Variants in CFAP47 observed in about 807,000 individuals in gnomAD.
CFAP47 encodes the protein cilia and flagella associated protein 47, also known as cilia- and flagella-associated protein 47.
A neutral mutation model predicts 148.1 loss-of-function variants in CFAP47; 29 were observed. The ratio of observed to expected loss-of-function variants is 0.20; its 90% CI spans 0.15 to 0.27. CFAP47 has a LOEUF of 0.27. CFAP47 is among the 10% of genes least tolerant of loss of function. The probability of loss-of-function intolerance (pLI) is 1.00; values close to 1 mark genes in which losing one functional copy is unlikely to be tolerated. For missense variants in CFAP47, 1,872 were observed against 1,697.5 expected (o/e 1.10, Z -1.81); for synonymous variants, 664 against 577.3 (o/e 1.15, Z -2.15).
intron 45 of CFAP47, among the ~76,000 whole-genome samples, chrX:36,205,839 TTCCAGTA>T (rs1414197901): frequency 1.2e-4 from 13 of 112,345 alleles, no homozygotes; most frequent in African/African-American, 4.2e-4. Context: ...TGTTCCACAA[TTCCAGTA>T]TCATGGATTC....
rs1941714287 is a variant in CFAP47 at position 36,348,204 on chromosome X, C to T, written c.8519C>T (p.Thr2840Ile). Residue 2840 changes from threonine (T) to isoleucine (I), a missense_variant, in exon 58 of 64, where the codon ACA becomes ATA. Coordinates refer to ENST00000378653, the MANE Select transcript of CFAP47 (RefSeq NM_001304548.2). ...FIPQIMKLHK[T>I]MVIIEMTKAN... ...CCTCAAATTATGAAATTACACAAAACAATGGTTATTATTGAGATGACGAAA... is the reference window on the plus strand; with the variant it reads ...CCTCAAATTATGAAATTACACAAAATAATGGTTATTATTGAGATGACGAAA... 1 of 1,056,145 alleles carries T rather than the reference C, an allele frequency of 9.5e-7. No individual in the cohort carries two copies. Among genetic ancestry groups the T allele is most frequent in the Admixed American group, 4.2e-5 (1 of 23,818 alleles). 87.0% of individuals were successfully genotyped at this position (1,056,145 alleles called of 1,213,427 possible). A position where few individuals can be genotyped will look rare whatever the true frequency, so the allele number is the denominator to read the frequency against.
At chrX:36,008,393 TCTTG>T (rs1164138260) in intron 21 of CFAP47, among the ~76,000 whole-genome samples, 2 of 111,320 alleles carry the variant, frequency 1.8e-5, no homozygotes, top group African/African-American at 3.3e-5. Context: ...TTCCTATGAA[TCTTG>T]CTGTGGGTCT....
chrX:36,372,036 G>GTATCTA (rs1941975711), intron 62 of CFAP47, among the ~76,000 whole-genome samples: 2 of 103,497 alleles, frequency 1.9e-5, no homozygotes, highest in African/African-American at 7.1e-5. Flanking sequence ...ATATATGTGT[G>GTATCTA]TGTGTATATA....
chrX:35,975,221 C>T lies in CFAP47; in HGVS notation c.2329C>T (p.Leu777=). Residue 777 remains leucine, a synonymous_variant, in exon 14 of 64, where the codon CTA becomes TTA. Transcript: ENST00000378653. ...TCATCTACTTCATGTTATTAATATG[C>T]TACCTATGCATGTTTTGCTCCAGTT... ...NTHLLHVINM[L]PMHVLLQLDT... 1 of 1,197,964 alleles carries T rather than the reference C, an allele frequency of 8.3e-7. No individual in the cohort carries two copies. Among genetic ancestry groups the T allele is most frequent in the South Asian group, 1.8e-5 (1 of 56,457 alleles).
chrX:36,107,072 T>A (rs1056305844), intron 33 of CFAP47, among the ~76,000 whole-genome samples: 1 of 111,707 alleles, frequency 9.0e-6, no homozygotes, highest in Admixed American at 9.6e-5. Context: ...TGTGTGTGTG[T>A]GGTAACTCTC....
chrX:36,033,847 A>G (rs771351355), intron 23 of CFAP47, among the ~76,000 whole-genome samples: 3 of 111,646 alleles, frequency 2.7e-5, no homozygotes, highest in African/African-American at 9.7e-5. Flanking sequence ...AGCAGGTTAC[A>G]TTGGAAAGAT....
intron 49 of CFAP47, among the ~76,000 whole-genome samples, chrX:36,274,383 G>T (rs1219757601): frequency 1.8e-5 from 2 of 111,709 alleles, no homozygotes; most frequent in Non-Finnish European, 3.8e-5. Flanking sequence ...CTTGACTTAT[G>T]ATGGGAGTTA....
intron 49 of CFAP47, among the ~76,000 whole-genome samples, chrX:36,258,860 G>T (rs1383976717): frequency 9.0e-6 from 1 of 111,384 alleles, no homozygotes; most frequent in Non-Finnish European, 1.9e-5. Context: ...GCACTGTGAA[G>T]CCCCTAACAT....
At chrX:36,020,145 C>A (rs1335862753) in intron 22 of CFAP47, among the ~76,000 whole-genome samples, 2 of 111,600 alleles carry the variant, frequency 1.8e-5, no homozygotes, top group East Asian at 5.6e-4. Context: ...TGTATAGTTT[C>A]CAAAATTCCT....
At chrX:36,175,247 T>C (rs1569280594) in intron 39 of CFAP47, among the ~76,000 whole-genome samples, 1 of 111,861 alleles carries the variant, frequency 8.9e-6, no homozygotes, top group Non-Finnish European at 1.9e-5. Context: ...TTGGTTTGAA[T>C]GTCCTCCCAT....
chrX:35,940,548 A>T (rs1935990119), intron 2 of CFAP47, among the ~76,000 whole-genome samples: 1 of 111,164 alleles, frequency 9.0e-6, no homozygotes, highest in African/African-American at 3.3e-5. Flanking sequence ...CCAAAACAAG[A>T]TTTCAAGATT....
rs371527797 is a variant in CFAP47, at chrX:35,927,596, G to GGTGTGTGTGTGT, written c.401+1439_401+1450dup. Among the ~76,000 whole-genome samples the GGTGTGTGTGTGT allele has an allele frequency of 5.5e-3, 580 of 106,276 alleles. 7 individuals are homozygous for GGTGTGTGTGTGT. The highest frequency in any genetic ancestry group is 0.019 in the African/African-American group (548 of 29,008). The allele number at this position is 106,276 out of a possible 115,157, so 92.3% of individuals were successfully genotyped here. On this transcript the variant is annotated intron_variant, in intron 2 of 63. Transcript: ENST00000378653. ...GGTGTGATGGACAGGGTTGAAGGAA[G>GGTGTGTGTGTGT]GTGTGTGTGTGTGTGTGTGTGTATG...
At position 36,004,950 on chromosome X, in the gene CFAP47, TTTC is replaced by T. The variant is rs1348267346; in HGVS notation, c.3417+3249_3417+3251del. Among the ~76,000 whole-genome samples the T allele has an allele frequency of 2.7e-5, 3 of 111,813 alleles. No individual in the cohort carries two copies. The East Asian group carries it at 8.4e-4, about 31-fold the overall frequency. ...AGGTCTGTATTTATAAAATGTTCTG[TTTC>T]TTCTTGAGAAATTTCATTTAAGTTA... On this transcript the variant is annotated intron_variant, in intron 21 of 63. Transcript: ENST00000378653.
intron 49 of CFAP47, among the ~76,000 whole-genome samples, chrX:36,279,691 A>G (rs1339660566): frequency 3.6e-5 from 4 of 111,666 alleles, no homozygotes; most frequent in Non-Finnish European, 7.5e-5. Context: ...TTTTTATAGT[A>G]ATAACTTTTG....
At chrX:36,060,241 T>C (rs772636984) in intron 26 of CFAP47, among the ~76,000 whole-genome samples, 15 of 111,990 alleles carry the variant, frequency 1.3e-4, no homozygotes, top group African/African-American at 2.6e-4. Context: ...AAATATAATA[T>C]TTCTAAGTAT....
chrX:36,198,893 G>C (rs1939946900), intron 42 of CFAP47, among the ~76,000 whole-genome samples: 1 of 111,410 alleles, frequency 9.0e-6, no homozygotes. Context: ...TTTATTTTTG[G>C]TTTACATCAT....
intron 53 of CFAP47, among the ~76,000 whole-genome samples, chrX:36,301,442 A>G (rs993505123): frequency 2.7e-5 from 3 of 110,086 alleles, no homozygotes; most frequent in African/African-American, 9.9e-5. Flanking sequence ...CAATAGGGAA[A>G]GACTCCCATC....
intron 21 of CFAP47, among the ~76,000 whole-genome samples, chrX:36,013,621 A>C (rs756234228): frequency 9.0e-6 from 1 of 111,369 alleles, no homozygotes; most frequent in South Asian, 3.8e-4. Flanking sequence ...GTTAAAAAGA[A>C]TGAATCAAGA....
At chrX:35,959,453 T>C (rs759516019) in intron 8 of CFAP47, among the ~76,000 whole-genome samples, 1 of 112,211 alleles carries the variant, frequency 8.9e-6, no homozygotes, top group South Asian at 3.7e-4. Context: ...AGTCATATAC[T>C]GTCTGAGGTC....
Sources: gnomAD v4.1 joint callset for allele counts (sites outside exome capture counted in the v4.1 genomes callset) on GRCh38, gnomAD v4.1.1 for gene constraint, MANE v1.5 for transcripts, NCBI Gene and HGNC (gene_info 2026-07-23, HGNC 2026-07-21) for gene names.